The following RIF1 variants were observed in gnomAD, a reference collection of about 807,000 sequenced individuals.
RIF1 encodes the protein telomere-associated protein RIF1.
Under a neutral mutation model 247.1 loss-of-function variants are expected in RIF1, and 45 were observed. The ratio of observed to expected loss-of-function variants is 0.18; its 90% CI spans 0.14 to 0.23. The LOEUF is 0.23. Among genes scored for constraint, RIF1 ranks in the 10% least tolerant of loss-of-function variants. RIF1 has a pLI of 1.00. For missense variants in RIF1, 2,967 were observed against 2,862.5 expected (o/e 1.04, Z -0.83); for synonymous variants, 1,087 against 978.8 (o/e 1.11, Z -2.06).
the RIF1 span, among the ~76,000 whole-genome samples, chr2:151,523,483 A>G: frequency 6.6e-6 from 1 of 152,224 alleles, no homozygotes. Context: ...CTGAGAGGAC[A>G]AGGAAAAAGA....
intron 6 of RIF1, among the ~76,000 whole-genome samples, chr2:151,417,848 A>C (rs1687478765): frequency 6.6e-6 from 1 of 152,184 alleles, no homozygotes; most frequent in South Asian, 2.1e-4. Flanking sequence ...GGAATAGCCT[A>C]CTATATACCC....
chr2:151,468,446 GT>G, intron 31 of RIF1, 27 bp from the exon 32 acceptor site: 2 of 1,559,008 alleles, frequency 1.3e-6, no homozygotes, highest in South Asian at 1.1e-5. Flanking sequence ...GGTTCTGAGT[GT>G]TTTTTTCTCT....
At chr2:151,470,586 C>G (rs545793876) in intron 34 of RIF1, among the ~76,000 whole-genome samples, 26 of 152,140 alleles carry the variant, frequency 1.7e-4, no homozygotes, top group African/African-American at 5.1e-4. Flanking sequence ...CCATTCCATC[C>G]AAAAAAGATT....
In RIF1 at chr2:151,490,080, GA is replaced by G. The variant is rs757290966; in HGVS notation, c.*416-5142del. On this transcript the variant is annotated intron_variant and NMD_transcript_variant, in intron 9 of 13. Coordinates refer to the RIF1 transcript ENST00000454583. The stretch of plus-strand genomic sequence containing the variant: ...TGTGGTTTTTGCATGTTTGTAAGCT[GA>G]AAAAAAGGGGGCAAATTCTTTATAA... 13 of 1,591,644 alleles carry G rather than the reference GA, an allele frequency of 8.2e-6. No homozygotes were observed. The highest frequency in any genetic ancestry group is 2.7e-5 in the African/African-American group (2 of 73,702).
the RIF1 span, chr2:151,514,885 T>A: frequency 6.3e-7 from 1 of 1,587,584 alleles, no homozygotes; most frequent in East Asian, 2.3e-5. Flanking sequence ...GCCAGTCAGG[T>A]TTCTGCCTTT....
intron 9 of RIF1, chr2:151,490,335 G>T (rs370366880): frequency 1.3e-6 from 2 of 1,573,124 alleles, no homozygotes; most frequent in African/African-American, 1.4e-5. Context: ...TGAGCTGGCC[G>T]GGTGGGACTG....
chr2:151,451,890 A>T (rs1418870416), intron 21 of RIF1, among the ~76,000 whole-genome samples, 185 bp downstream of exon 21: 3 of 152,054 alleles, frequency 2.0e-5, no homozygotes, highest in Non-Finnish European at 4.4e-5. Context: ...TAATTTTCAT[A>T]TGCTCTGTAT....
intron 9 of RIF1, among the ~76,000 whole-genome samples, chr2:151,494,656 T>C (rs1287323389): frequency 6.6e-6 from 1 of 152,164 alleles, no homozygotes; most frequent in Non-Finnish European, 1.5e-5. Context: ...TTGTTTTGTT[T>C]TGTTTTTGAG....
In RIF1 at chr2:151,464,943, A is replaced by G. The variant is rs188032134; in HGVS notation, c.5423A>G (p.Asn1808Ser). The change falls in exon 30 of 36, where the codon AAT becomes AGT. Residue 1808 changes from asparagine (N) to serine (S), a missense_variant. Transcript: ENST00000444746. ...CTCAAAGAGGATAATGATACTATTAATGATTCATTAATTGTTTCTGAAACC... is the reference window on the plus strand; with the variant it reads ...CTCAAAGAGGATAATGATACTATTAGTGATTCATTAATTGTTTCTGAAACC... ...LGLKEDNDTI[N>S]DSLIVSETKS... 1.5e-4 allele frequency: 242 copies of G among 1,572,018 alleles called. 1 individual carries two copies. In the East Asian group the frequency reaches 3.1e-3, roughly 20 times the overall value.
At chr2:151,455,307 T>G in intron 22 of RIF1, 148 bp downstream of exon 22, 1 of 577,776 alleles carries the variant, frequency 1.7e-6, no homozygotes, top group South Asian at 2.7e-5. Flanking sequence ...GTTGAAAAGA[T>G]AGTTAAAATA....
chr2:151,463,007 C>G lies in RIF1; in HGVS notation c.3487C>G (p.Pro1163Ala). 6.2e-7 allele frequency: 1 copy of G among 1,613,716 alleles called. No homozygotes were observed. Among genetic ancestry groups the G allele is most frequent in the Non-Finnish European group, 8.5e-7 (1 of 1,179,752 alleles). The change falls in exon 30 of 36, where the codon CCA becomes GCA. Residue 1163 changes from proline to alanine, a missense_variant. By Grantham distance (27) the Pro-to-Ala change is conservative. This residue lies in a region of RIF1 where 2,028 missense variants were observed against 1,825.6 expected (regional missense o/e 1.11). Coordinates refer to ENST00000444746, the MANE Select transcript of RIF1 (RefSeq NM_018151.5). ...NECGSLDKTS[P>A]EMSNSNNDER... is the part of the protein sequence containing the mutation. ...GTGTGGTTCTCTTGACAAAACCAGT[C>G]CAGAAATGTCAAACAGTAATAATGA... is the stretch of plus-strand genomic sequence containing the variant.
chr2:151,446,551 C>T lies in RIF1; in HGVS notation c.2220C>T (p.Ser740=), dbSNP rs1218165252. ...AGGAACTTTCTTCCAAGATAATGTC[C>T]AGTTTGGAAGATGAAGGCTTTTCTG... ...CCEELSSKIM[S]SLEDEGFSNL... The change falls in exon 20 of 36, where the codon TCC becomes TCT. Residue 740 remains serine (S), a synonymous_variant. Coordinates refer to ENST00000444746, the MANE Select transcript of RIF1 (RefSeq NM_018151.5). 1.9e-6 allele frequency: 3 copies of T among 1,612,780 alleles called. No individual in the cohort carries two copies. The highest frequency in any genetic ancestry group is 8.5e-7 in the Non-Finnish European group (1 of 1,179,802).
intron 7 of RIF1, among the ~76,000 whole-genome samples, chr2:151,421,245 AAGG>A (rs1030696954): frequency 1.8e-4 from 28 of 152,212 alleles, no homozygotes; most frequent in African/African-American, 6.8e-4. Context: ...GAAGACCACT[AAGG>A]AGAAGAGCAA....
intron 3 of RIF1, among the ~76,000 whole-genome samples, chr2:151,412,266 G>A (rs996481930): frequency 2.6e-5 from 3 of 116,336 alleles, no homozygotes; most frequent in African/African-American, 6.1e-5. Flanking sequence ...CAAAGTTTGA[G>A]TTCTCATTTT....
At chr2:151,525,890 A>G in the RIF1 span, 7 of 1,238,772 alleles carry the variant, frequency 5.7e-6, no homozygotes, top group African/African-American at 1.0e-4. Context: ...GGCAACTGAC[A>G]TTATTTCACC....
chr2:151,518,247 A>G, the RIF1 span: 6 of 1,091,984 alleles, frequency 5.5e-6, no homozygotes, highest in South Asian at 2.5e-5. Context: ...GAGGGAATCT[A>G]TGAAATTTTT....
downstream of RIF1, chr2:151,512,837 T>C (rs767590150): frequency 1.2e-6 from 2 of 1,602,552 alleles, no homozygotes; most frequent in South Asian, 2.2e-5. Flanking sequence ...TTATACTTAA[T>C]CTGTAAAACA....
At chr2:151,426,496 A>G (rs114454257) in intron 8 of RIF1, among the ~76,000 whole-genome samples, 40 of 151,878 alleles carry the variant, frequency 2.6e-4, no homozygotes, top group African/African-American at 8.7e-4. Flanking sequence ...TGAGACTGCA[A>G]TTCCGTGTGA....
chr2:151,437,808 A>G (rs773162870), intron 13 of RIF1, among the ~76,000 whole-genome samples: 1 of 152,228 alleles, frequency 6.6e-6, no homozygotes, highest in African/African-American at 2.4e-5. Context: ...ATACCATGTT[A>G]GTTCATTTTA....
Sources: allele counts gnomAD v4.1 joint callset (sites outside exome capture counted in the v4.1 genomes callset), GRCh38; gene constraint gnomAD v4.1.1; regional missense constraint gnomAD v4.1.1; transcripts MANE v1.5; gene names NCBI Gene and HGNC (gene_info 2026-07-23, HGNC 2026-07-21).